The following CFAP46 variants were observed in gnomAD, a reference collection of about 807,000 sequenced individuals.
CFAP46 encodes cilia- and flagella-associated protein 46.
Under a neutral mutation model 325.7 loss-of-function variants are expected in CFAP46, and 245 were observed. That is an observed-to-expected ratio of 0.75 (90% CI 0.68 to 0.84). The LOEUF (loss-of-function observed/expected upper bound fraction) is 0.84, where lower values mean the gene tolerates loss of function less well. Among genes scored for constraint, CFAP46 ranks in the 40% least tolerant of loss-of-function variants. The pLI, the probability that CFAP46 is intolerant of heterozygous loss-of-function variation, is 0.00. For synonymous variants in CFAP46, 1,523 were observed against 1,495.9 expected, an observed-to-expected ratio of 1.02 and a Z score of -0.42; for missense variants, 3,346 against 3,543.0, an observed-to-expected ratio of 0.94 and a Z score of 1.41.
At chr10:132,913,339 TAGGAACCAGGC>T in intron 17 of CFAP46, 81 bp from the exon 18 acceptor site, 3 of 982,102 alleles carry the variant, frequency 3.1e-6, no homozygotes, top group Non-Finnish European at 4.5e-6. Flanking sequence ...CGGGGCCTGT[TAGGAACCAGGC>T]TGCAGGGCAA....
rs1187543421 is a variant in CFAP46 at position 132,898,898 on chromosome 10, T to A, written c.3219+61A>T. 3.9e-6 allele frequency: 6 copies of A among 1,536,210 alleles called. No homozygotes were observed. The African/African-American group carries it at 8.2e-5, about 21-fold the overall frequency. ...TTTCTTTGGGAGTCTCTCCGGTCCT[T>A]TCTGGAAGACCCACTAGAGGCCTCA... On this transcript the variant is annotated intron_variant, in intron 24 of 57. Transcript: ENST00000368586.
At position 132,884,399 on chromosome 10, in the gene CFAP46, C is replaced by T. The variant is rs1460114846; in HGVS notation, c.3627+704G>A. The stretch of plus-strand genomic sequence containing the variant: ...CTGGACCCCAGAACAATCCAAAGGC[C>T]TCGGGGCAGGATTGCTCTGAGCCGG... On this transcript the variant is annotated intron_variant, in intron 27 of 57. Transcript: ENST00000368586. The surrounding 1 kb of genome is among the most constrained non-coding windows in gnomAD (Gnocchi z 5.4). Among the ~76,000 whole-genome samples, 1 of 152,202 alleles carries T rather than the reference C, an allele frequency of 6.6e-6. No homozygotes were observed. Among genetic ancestry groups the T allele is most frequent in the African/African-American group, 2.4e-5 (1 of 41,446 alleles).
chr10:132,880,048 C>T (rs1849015576), intron 28 of CFAP46, among the ~76,000 whole-genome samples: 1 of 152,102 alleles, frequency 6.6e-6, no homozygotes, highest in South Asian at 2.1e-4. Context: ...GGAGGGTGGC[C>T]CTGAGCAAGC....
chr10:132,821,615 ATGT>A (rs1847833109), intron 50 of CFAP46, among the ~76,000 whole-genome samples: 1 of 84,984 alleles, frequency 1.2e-5, no homozygotes, highest in Admixed American at 1.5e-4. Context: ...GTGTGCGCTG[ATGT>A]GTGCTGTGTG....
chr10:132,822,106 ATG>A (rs1213006515), intron 50 of CFAP46, among the ~76,000 whole-genome samples: 2 of 106,742 alleles, frequency 1.9e-5, no homozygotes, highest in Non-Finnish European at 3.6e-5. Context: ...GTGAGTGCTG[ATG>A]TGTGCTGTGT....
intron 23 of CFAP46, 67 bp from the exon 24 acceptor site, chr10:132,899,188 G>A: frequency 6.7e-7 from 1 of 1,491,794 alleles, no homozygotes; most frequent in Non-Finnish European, 9.0e-7. Context: ...GGACCAGGAG[G>A]GACAGGAAGG....
At chr10:132,915,751 C>T (rs1318931521) in intron 17 of CFAP46, among the ~76,000 whole-genome samples, 1 of 152,194 alleles carries the variant, frequency 6.6e-6, no homozygotes, top group Non-Finnish European at 1.5e-5. Flanking sequence ...CTATGCACGG[C>T]GAGCGACTAT....
intron 17 of CFAP46, 111 bp from the exon 18 acceptor site, chr10:132,913,369 A>C (rs1014631197): frequency 3.4e-6 from 1 of 295,708 alleles, no homozygotes; most frequent in Non-Finnish European, 6.8e-6. Context: ...AAGAAGTGGG[A>C]GGGGCGGGTG....
At chr10:132,937,483 G>A (rs763404043) in intron 6 of CFAP46, 69 bp downstream of exon 6, 12 of 1,576,430 alleles carry the variant, frequency 7.6e-6, no homozygotes, top group Middle Eastern at 1.7e-4. Flanking sequence ...TAATTTCTAC[G>A]CAGTTTTCTG....
chr10:132,814,812 A>G (rs376333995), intron 51 of CFAP46, 32 bp downstream of exon 51: 1 of 1,613,948 alleles, frequency 6.2e-7, no homozygotes. Flanking sequence ...TGTGCCCACC[A>G]GCCCGATCCC....
At chr10:132,846,751 G>A (rs1008321807) in intron 43 of CFAP46, among the ~76,000 whole-genome samples, 181 bp downstream of exon 43, 7 of 152,338 alleles carry the variant, frequency 4.6e-5, no homozygotes, top group South Asian at 2.1e-4. Flanking sequence ...ATAAGCACAC[G>A]AATGCATGTT....
intron 44 of CFAP46, among the ~76,000 whole-genome samples, chr10:132,837,699 GCACA>G (rs200206713): frequency 6.6e-5 from 8 of 121,268 alleles, no homozygotes; most frequent in South Asian, 2.8e-4. Context: ...GTACACAGAT[GCACA>G]CACACAGACA....
Position 132,876,266 on chromosome 10 carries a change from G to A in CFAP46, c.4362+546C>T, listed in dbSNP as rs1447655026. On this transcript the variant is annotated intron_variant, in intron 31 of 57. Transcript: ENST00000368586. This position sits in a 1 kb window ranked among gnomAD's most constrained non-coding sequence, Gnocchi z 4.1. The stretch of plus-strand genomic sequence containing the variant: ...AGTGAACTGAATGACCACTATGGAG[G>A]GCAGCATGGCAGCGTGGCACCAAAC... Among the ~76,000 whole-genome samples the A allele has an allele frequency of 6.6e-6, 1 of 152,244 alleles. No homozygotes were observed. Among genetic ancestry groups the A allele is most frequent in the African/African-American group, 2.4e-5 (1 of 41,462 alleles).
chr10:132,811,091 G>A, intron 55 of CFAP46, 60 bp from the exon 56 acceptor site: 1 of 1,419,064 alleles, frequency 7.0e-7, no homozygotes, highest in Non-Finnish European at 9.6e-7. Flanking sequence ...TGGGGATGGG[G>A]TGTGGGCAGG....
At chr10:132,883,794 G>A (rs536907581) in intron 27 of CFAP46, among the ~76,000 whole-genome samples, 25 of 152,324 alleles carry the variant, frequency 1.6e-4, no homozygotes, top group African/African-American at 5.5e-4. Flanking sequence ...GGCCCTGGGC[G>A]ATGTCATGCT....
In CFAP46 at chr10:132,941,726, C is replaced by A; in HGVS notation, c.175-4G>T. The A allele has an allele frequency of 6.2e-7, 1 of 1,613,862 alleles. No homozygotes were observed. On this transcript the variant is annotated splice_polypyrimidine_tract_variant and splice_region_variant and intron_variant, in intron 2 of 57. Coordinates refer to ENST00000368586, the MANE Select transcript of CFAP46 (RefSeq NM_001200049.3). Reference sequence around the variant, plus strand: ...CGCTCACCTCTGGCTGCCTCATCTGCAAGAGAACACCACCACAGAAGATCA... The same window carrying A: ...CGCTCACCTCTGGCTGCCTCATCTGAAAGAGAACACCACCACAGAAGATCA...
Position 132,899,049 on chromosome 10 carries a change from T to C in CFAP46, c.3129A>G (p.Pro1043=), listed in dbSNP as rs1449927966. ...AARHYWNAWL[P]LLSSAVYRKK... ...TCCTGTAGACGGCTGAGGACAGCAG[T>C]GGGAGCCAGGCGTTCCAGTAATGCC... is the stretch of plus-strand genomic sequence containing the variant. Residue 1043 remains proline (P), a synonymous_variant, in exon 24 of 58, where the codon CCA becomes CCG. Coordinates refer to ENST00000368586, the MANE Select transcript of CFAP46 (RefSeq NM_001200049.3). 4.5e-6 allele frequency: 7 copies of C among 1,550,454 alleles called. No individual in the cohort carries two copies. In the African/African-American group the frequency reaches 5.5e-5, roughly 12 times the overall value.
At chr10:132,938,146 T>A (rs1461587441) in intron 5 of CFAP46, among the ~76,000 whole-genome samples, 2 of 152,114 alleles carry the variant, frequency 1.3e-5, no homozygotes, top group African/African-American at 4.8e-5. Flanking sequence ...CGGTGACCCC[T>A]CAGGGCTGAG....
chr10:132,915,388 G>A (rs560087853), intron 17 of CFAP46, among the ~76,000 whole-genome samples: 22 of 152,394 alleles, frequency 1.4e-4, no homozygotes, highest in Admixed American at 1.1e-3. Context: ...TGCTGCAGGA[G>A]AGGGATCCCA....
Sources: allele counts gnomAD v4.1 joint callset (sites outside exome capture counted in the v4.1 genomes callset), GRCh38; gene constraint gnomAD v4.1.1; non-coding constraint Gnocchi (gnomAD v3.1); transcripts MANE v1.5; gene names NCBI Gene and HGNC (gene_info 2026-07-23, HGNC 2026-07-21).